Variants in GYG2 observed in about 807,000 individuals in gnomAD.
GYG2 encodes the protein glycogenin-2.
Under a neutral mutation model 29.4 loss-of-function variants are expected in GYG2, and 29 were observed. The observed-to-expected ratio is 0.99, with a 90% confidence interval of 0.74 to 1.35. GYG2 has a LOEUF of 1.35. GYG2 is among the 40% of genes most tolerant of loss of function. The pLI, the probability that GYG2 is intolerant of heterozygous loss-of-function variation, is 0.00. For synonymous variants in GYG2, 167 were observed against 172.3 expected, an observed-to-expected ratio of 0.97 and a Z score of 0.24; for missense variants, 370 against 385.7, an observed-to-expected ratio of 0.96 and a Z score of 0.34.
intron 6 of GYG2, among the ~76,000 whole-genome samples, chrX:2,857,931 G>T (rs2088059803): frequency 9.0e-6 from 1 of 111,255 alleles, no homozygotes. Flanking sequence ...TACATGGCAT[G>T]TGATAAGGTA....
intron 8 of GYG2, among the ~76,000 whole-genome samples, chrX:2,869,564 G>C (rs1001735897): frequency 8.9e-6 from 1 of 112,469 alleles, no homozygotes; most frequent in African/African-American, 3.2e-5. Context: ...TGTCATAAAA[G>C]CTGAGTGTGC....
chrX:2,832,613 C>T (rs1364427418), intron 2 of GYG2, among the ~76,000 whole-genome samples: 1 of 111,519 alleles, frequency 9.0e-6, no homozygotes, highest in Non-Finnish European at 1.9e-5. Context: ...CGGCTCACTG[C>T]AGCTTCCGCC....
chrX:2,878,713 G>A (rs1000888379), intron 10 of GYG2, among the ~76,000 whole-genome samples: 6 of 111,944 alleles, frequency 5.4e-5, no homozygotes, highest in African/African-American at 9.7e-5. Context: ...GGAAGATTTC[G>A]GTCATTGATT....
At chrX:2,878,358 A>G (rs771806253) in intron 10 of GYG2, 1 of 144,289 alleles carries the variant, frequency 6.9e-6, no homozygotes, top group East Asian at 2.7e-4. Flanking sequence ...TGGCATGATC[A>G]TAGCTAAGCA....
rs745761651 is a variant in GYG2 at position 2,866,026 on chromosome X, G to T, written c.1038+4304G>T. ...GATGAATGGGTAAAGAAAATGCCAT[G>T]TATAGATATACCATGGAATACTATT... On this transcript the variant is annotated intron_variant, in intron 8 of 10. Coordinates refer to ENST00000398806, the MANE Select transcript of GYG2 (RefSeq NM_001079855.2). 1.5e-3 allele frequency among the ~76,000 whole-genome samples: 169 copies of T among 112,193 alleles called. 1 individual carries two copies. Among genetic ancestry groups the T allele is most frequent in the African/African-American group, 5.1e-3 (159 of 30,901 alleles).
At chrX:2,861,214 G>A (rs1232643897) in intron 7 of GYG2, among the ~76,000 whole-genome samples, 1 of 111,377 alleles carries the variant, frequency 9.0e-6, no homozygotes, top group Non-Finnish European at 1.9e-5. Flanking sequence ...AGCAATGGAC[G>A]TTTATTTGTA....
At chrX:2,840,468 T>G (rs1316015702) in intron 2 of GYG2, among the ~76,000 whole-genome samples, 3 of 112,056 alleles carry the variant, frequency 2.7e-5, no homozygotes, top group African/African-American at 9.7e-5. Context: ...GGAAGTAATT[T>G]TGATCAGAGC....
chrX:2,857,150 C>G (rs1306099011), intron 6 of GYG2, among the ~76,000 whole-genome samples: 1 of 86,872 alleles, frequency 1.2e-5, no homozygotes, highest in Non-Finnish European at 2.4e-5. Flanking sequence ...AGATATTTAT[C>G]TATCTATCTA....
intron 2 of GYG2, among the ~76,000 whole-genome samples, chrX:2,832,675 C>T (rs1029457439): frequency 4.5e-5 from 5 of 111,798 alleles, no homozygotes; most frequent in Non-Finnish European, 9.4e-5. Flanking sequence ...GCTGGGATTA[C>T]AGGTGCCCGC....
chrX:2,856,239 C>G lies in GYG2; in HGVS notation c.488-259C>G, dbSNP rs5939364. On this transcript the variant is annotated intron_variant, in intron 5 of 10. Transcript: ENST00000398806. Reference sequence around the variant, plus strand: ...GGGGACCAGTGGAATGCTTTGGACTCCATATGCAATTTTAGCATTCATTCT... The same window carrying G: ...GGGGACCAGTGGAATGCTTTGGACTGCATATGCAATTTTAGCATTCATTCT... 1.2e-3 allele frequency among the ~76,000 whole-genome samples: 136 copies of G among 111,418 alleles called. 1 individual carries two copies. Among genetic ancestry groups the G allele is most frequent in the Non-Finnish European group, 1.6e-3 (83 of 53,098 alleles).
intron 8 of GYG2, among the ~76,000 whole-genome samples, chrX:2,863,126 A>G (rs947206552): frequency 1.4e-4 from 15 of 107,773 alleles, no homozygotes; most frequent in South Asian, 4.4e-4. Context: ...CCAGGCTGGA[A>G]TGCAGTAGCC....
chrX:2,845,842 A>G (rs1203537467), intron 3 of GYG2, among the ~76,000 whole-genome samples: 3 of 101,773 alleles, frequency 2.9e-5, no homozygotes, highest in African/African-American at 1.1e-4. Flanking sequence ...CATATAAAAT[A>G]TATATATTTG....
chrX:2,867,958 T>A (rs1325923430), intron 8 of GYG2, among the ~76,000 whole-genome samples: 1 of 108,642 alleles, frequency 9.2e-6, no homozygotes, highest in Non-Finnish European at 1.9e-5. Context: ...TAGCCAGGCT[T>A]GGTGGCGTGC....
chrX:2,835,819 C>T (rs2087360648), intron 2 of GYG2, among the ~76,000 whole-genome samples: 1 of 111,341 alleles, frequency 9.0e-6, no homozygotes, highest in Non-Finnish European at 1.9e-5. Flanking sequence ...GAAGCTCATT[C>T]ATGGGTTTGC....
chrX:2,829,571 G>C (rs2087214130), intron 1 of GYG2, among the ~76,000 whole-genome samples: 1 of 102,500 alleles, frequency 9.8e-6, no homozygotes, highest in Admixed American at 1.0e-4. Flanking sequence ...GGAGTGACGA[G>C]GGAGGGGGCA....
At chrX:2,862,847 C>T (rs1187090153) in intron 8 of GYG2, among the ~76,000 whole-genome samples, 6 of 108,702 alleles carry the variant, frequency 5.5e-5, no homozygotes, top group Admixed American at 4.0e-4. Context: ...TTGCTTGAGC[C>T]CAGGAGTACG....
chrX:2,872,653 A>G (rs2088500106), intron 8 of GYG2, among the ~76,000 whole-genome samples: 1 of 112,606 alleles, frequency 8.9e-6, no homozygotes, highest in African/African-American at 3.2e-5. Flanking sequence ...GCCCCGTGGA[A>G]CTTATTTATG....
At chrX:2,869,422 G>A (rs755405164) in intron 8 of GYG2, among the ~76,000 whole-genome samples, 8 of 111,147 alleles carry the variant, frequency 7.2e-5, no homozygotes, top group South Asian at 3.9e-4. Context: ...TCGTACTCCC[G>A]GTGGTCTTTG....
chrX:2,870,095 C>T (rs753927120), intron 8 of GYG2, among the ~76,000 whole-genome samples: 1 of 102,599 alleles, frequency 9.7e-6, no homozygotes, highest in South Asian at 4.9e-4. Flanking sequence ...TACAGATGTC[C>T]TTCAGTTTTT....
Sources: gnomAD v4.1 joint callset for allele counts (sites outside exome capture counted in the v4.1 genomes callset) on GRCh38, gnomAD v4.1.1 for gene constraint, MANE v1.5 for transcripts, NCBI Gene and HGNC (gene_info 2026-07-23, HGNC 2026-07-21) for gene names.